The following LARGE1 variants were observed in gnomAD, a reference collection of about 807,000 sequenced individuals.
The protein encoded by LARGE1 is LARGE xylosyl- and glucuronyltransferase 1.
In LARGE1, 43 loss-of-function variants were observed where a neutral mutation model predicts 87.6. That is an observed-to-expected ratio of 0.49 (90% CI 0.38 to 0.63). The LOEUF is 0.63. LARGE1 is among the 30% of genes least tolerant of loss of function. The pLI is 0.00. For synonymous variants in LARGE1, 434 were observed against 394.6 expected (o/e 1.10, Z -1.18); for missense variants, 802 against 1,000.2 (o/e 0.80, Z 2.67).
At chr22:33,590,338 A>C (rs2078799545) in intron 5 of LARGE1, among the ~76,000 whole-genome samples, 1 of 152,242 alleles carries the variant, frequency 6.6e-6, no homozygotes, top group African/African-American at 2.4e-5. Context: ...GTAATGGAAG[A>C]GTTTAAAGCA....
At chr22:33,269,801 C>T (rs1008535317), downstream of LARGE1, among the ~76,000 whole-genome samples, 1 of 151,988 alleles carries the variant, frequency 6.6e-6, no homozygotes, top group Non-Finnish European at 1.5e-5. Context: ...GTCAGGAGAT[C>T]GAGACCATCC....
chr22:33,460,846 T>C (rs1477571445), intron 6 of LARGE1, among the ~76,000 whole-genome samples: 2 of 152,134 alleles, frequency 1.3e-5, no homozygotes, highest in Admixed American at 1.3e-4. Flanking sequence ...TAGCCTTGGG[T>C]CTGGGTAAAA....
the LARGE1 span, among the ~76,000 whole-genome samples, chr22:33,153,663 A>G: frequency 6.6e-6 from 1 of 152,182 alleles, no homozygotes; most frequent in South Asian, 2.1e-4. Context: ...TCTCAGACAC[A>G]TTTACTTAAC....
At chr22:33,607,460 T>TC (rs2079298966) in intron 4 of LARGE1, among the ~76,000 whole-genome samples, 2 of 13,308 alleles carry the variant, frequency 1.5e-4, no homozygotes, top group African/African-American at 1.6e-3. Context: ...AAACTGCATC[T>TC]CAAAAAAAAA....
intron 1 of LARGE1, among the ~76,000 whole-genome samples, chr22:33,901,673 T>TA (rs940530602): frequency 9.9e-5 from 15 of 152,270 alleles, no homozygotes; most frequent in African/African-American, 3.6e-4. Flanking sequence ...AGCATCTCTA[T>TA]AAAAAATTAA....
At chr22:33,390,861 T>C (rs1303684960) in intron 7 of LARGE1, among the ~76,000 whole-genome samples, 2 of 151,990 alleles carry the variant, frequency 1.3e-5, no homozygotes, top group Non-Finnish European at 2.9e-5. Context: ...GCCTGGCTAA[T>C]GTTTTTTGTA....
chr22:33,765,734 T>C (rs1396716079), intron 1 of LARGE1, among the ~76,000 whole-genome samples: 1 of 116,780 alleles, frequency 8.6e-6, no homozygotes, highest in East Asian at 2.7e-4. Context: ...AAAAAAGTTA[T>C]AGACAAATTT....
chr22:33,482,911 G>A (rs2069392498), intron 6 of LARGE1, among the ~76,000 whole-genome samples: 1 of 152,130 alleles, frequency 6.6e-6, no homozygotes, highest in South Asian at 2.1e-4. Context: ...CCAGGAAGGT[G>A]GGGGTACAAA....
intron 6 of LARGE1, among the ~76,000 whole-genome samples, chr22:33,471,080 T>G (rs2068820270): frequency 6.7e-6 from 1 of 148,222 alleles, no homozygotes; most frequent in African/African-American, 2.5e-5. Context: ...TAGGCTGGAG[T>G]AAGGTGGCGT....
chr22:33,247,788 C>G (rs1926833361), intron 11 of LARGE1, among the ~76,000 whole-genome samples: 1 of 152,182 alleles, frequency 6.6e-6, no homozygotes, highest in African/African-American at 2.4e-5. Flanking sequence ...ACATATATCT[C>G]AAGCTATTCA....
chr22:33,833,560 G>A (rs1460427749), intron 1 of LARGE1, among the ~76,000 whole-genome samples: 1 of 152,206 alleles, frequency 6.6e-6, no homozygotes, highest in African/African-American at 2.4e-5. Flanking sequence ...CTGCAGAACT[G>A]TGATAGAATA....
intron 10 of LARGE1, among the ~76,000 whole-genome samples, chr22:33,330,319 A>T (rs1937583977): frequency 6.6e-6 from 1 of 151,936 alleles, no homozygotes; most frequent in African/African-American, 2.4e-5. Flanking sequence ...TTATAAATTT[A>T]ATTTAATTTA....
intron 1 of LARGE1, among the ~76,000 whole-genome samples, chr22:33,903,001 G>T (rs1356781346): frequency 6.6e-6 from 1 of 152,114 alleles, no homozygotes; most frequent in Admixed American, 6.6e-5. Flanking sequence ...GCACAGTGGC[G>T]AGTGCCTGTA....
chr22:33,240,936 C>A (rs1030306945), intron 11 of LARGE1, among the ~76,000 whole-genome samples: 5 of 152,164 alleles, frequency 3.3e-5, no homozygotes, highest in African/African-American at 1.2e-4. Flanking sequence ...TGTTACCTCT[C>A]CTCTAATCAC....
intron 1 of LARGE1, among the ~76,000 whole-genome samples, chr22:33,831,872 C>G (rs940748472): frequency 6.6e-6 from 1 of 152,132 alleles, no homozygotes; most frequent in East Asian, 1.9e-4. Flanking sequence ...CTGGCCCAGG[C>G]GTAATCCCGA....
At chr22:33,322,543 C>T (rs1384328923) in intron 10 of LARGE1, 1 of 152,194 alleles carries the variant, frequency 6.6e-6, no homozygotes, top group East Asian at 1.9e-4. Flanking sequence ...TGTGATCCAT[C>T]TTGGATGTTC....
At chr22:33,873,606 C>A (rs5754733) in intron 1 of LARGE1, among the ~76,000 whole-genome samples, 123,197 of 152,086 alleles carry the variant, frequency 0.81, 50,035 homozygotes, top group African/African-American at 0.86. Context: ...ACCATAGAAC[C>A]TGGGAAACAG....
intron 1 of LARGE1, among the ~76,000 whole-genome samples, chr22:33,847,861 G>A (rs923840207): frequency 1.3e-5 from 2 of 152,106 alleles, no homozygotes; most frequent in Admixed American, 6.5e-5. Flanking sequence ...GCTCATTCAC[G>A]CTTTCTCCTC....
intron 5 of LARGE1, among the ~76,000 whole-genome samples, chr22:33,569,216 T>C (rs575764095): frequency 6.6e-6 from 1 of 152,324 alleles, no homozygotes; most frequent in South Asian, 2.1e-4. Flanking sequence ...AATCAGACCT[T>C]TGATTAACTT....
Sources: gnomAD v4.1 joint callset for allele counts (sites outside exome capture counted in the v4.1 genomes callset) on GRCh38, gnomAD v4.1.1 for gene constraint, MANE v1.5 for transcripts, NCBI Gene and HGNC (gene_info 2026-07-23, HGNC 2026-07-21) for gene names.